NR3C2: variants seen among roughly 807,000 people sequenced by gnomAD.
NR3C2 encodes the protein mineralocorticoid receptor.
NR3C2 carries 15 observed loss-of-function variants against 86.4 expected under a neutral mutation model. That is an observed-to-expected ratio of 0.17 (90% confidence interval 0.12 to 0.27). NR3C2 has a LOEUF of 0.27. Among genes scored for constraint, NR3C2 ranks in the 10% least tolerant of loss-of-function variants. The pLI is 1.00. For synonymous variants in NR3C2, 458 were observed against 450.5 expected (o/e 1.02, Z -0.21); for missense variants, 960 against 1,195.6 (o/e 0.80, Z 2.91).
Position 148,331,955 on chromosome 4 carries a change from TAA to T in NR3C2, c.1758-71840_1758-71839del, listed in dbSNP as rs148610499. Reference sequence around the variant, plus strand: ...ATACATTATTTGCTTTAAAAAATTCTAAAAGTTTGATGGTTTATAAGAGTATT... The same window carrying T: ...ATACATTATTTGCTTTAAAAAATTCTAAGTTTGATGGTTTATAAGAGTATT... On this transcript the variant is annotated intron_variant, in intron 2 of 8. Coordinates refer to ENST00000358102, the MANE Select transcript of NR3C2 (RefSeq NM_000901.5). 6.0e-3 allele frequency among the ~76,000 whole-genome samples: 913 copies of T among 152,342 alleles called. 7 individuals are homozygous for T. The highest frequency in any genetic ancestry group is 0.02 in the African/African-American group (837 of 41,592).
intron 3 of NR3C2, among the ~76,000 whole-genome samples, chr4:148,226,572 T>C (rs1303690666): frequency 6.6e-6 from 1 of 152,160 alleles, no homozygotes; most frequent in Non-Finnish European, 1.5e-5. Flanking sequence ...GATAAATACC[T>C]GGGAGTGGAA....
rs115119058 is a variant in NR3C2 at position 148,311,207 on chromosome 4, C to T, written c.1758-51090G>A. 1.6e-3 allele frequency among the ~76,000 whole-genome samples: 240 copies of T among 152,210 alleles called. 1 individual carries two copies. The highest frequency in any genetic ancestry group is 5.4e-3 in the African/African-American group (226 of 41,518). ...TTTCGTTTCTCCATTCTCTGGGTAA[C>T]CTCATTCAGCTCTATTCTTATGACT... On this transcript the variant is annotated intron_variant, in intron 2 of 8. Transcript: ENST00000358102.
intron 2 of NR3C2, among the ~76,000 whole-genome samples, chr4:148,431,303 T>G (rs573057574): frequency 3.0e-4 from 46 of 152,234 alleles, no homozygotes; most frequent in African/African-American, 8.7e-4. Flanking sequence ...ACCATGAAGC[T>G]AGACTTGAGT....
chr4:148,211,089 C>T (rs1737260326), intron 3 of NR3C2, among the ~76,000 whole-genome samples: 1 of 152,206 alleles, frequency 6.6e-6, no homozygotes, highest in Non-Finnish European at 1.5e-5. Flanking sequence ...CTGCTGAAGA[C>T]AGGAAAGGGA....
At chr4:148,131,284 G>C (rs114270034) in intron 6 of NR3C2, among the ~76,000 whole-genome samples, 158 of 152,264 alleles carry the variant, frequency 1.0e-3, no homozygotes, top group African/African-American at 3.6e-3. Flanking sequence ...CGTAATCACA[G>C]CTGACCTGAA....
chr4:148,401,061 G>C (rs912115348), intron 2 of NR3C2, among the ~76,000 whole-genome samples: 1 of 152,138 alleles, frequency 6.6e-6, no homozygotes, highest in Non-Finnish European at 1.5e-5. Flanking sequence ...TCCAGGTGCT[G>C]GTCAGATGTT....
At chr4:148,180,013 C>T (rs1158185492) in intron 4 of NR3C2, among the ~76,000 whole-genome samples, 1 of 151,762 alleles carries the variant, frequency 6.6e-6, no homozygotes, top group Non-Finnish European at 1.5e-5. Flanking sequence ...GGAATAGTAT[C>T]TCTTTTATAA....
intron 2 of NR3C2, among the ~76,000 whole-genome samples, chr4:148,371,344 T>C (rs1746412701): frequency 6.6e-6 from 1 of 152,200 alleles, no homozygotes; most frequent in South Asian, 2.1e-4. Context: ...CCTTTACTTT[T>C]AATTCTTATA....
intron 2 of NR3C2, among the ~76,000 whole-genome samples, chr4:148,411,234 T>A (rs961839344): frequency 6.6e-6 from 1 of 150,764 alleles, no homozygotes; most frequent in Non-Finnish European, 1.5e-5. Flanking sequence ...CAAATCATCC[T>A]GGCTATAACC....
At chr4:148,340,499 A>G (rs4835513) in intron 2 of NR3C2, among the ~76,000 whole-genome samples, 131,321 of 152,120 alleles carry the variant, frequency 0.86, 56,719 homozygotes, top group South Asian at 0.88. Context: ...TTGAACTAAC[A>G]ACTTAAATCT....
intron 2 of NR3C2, among the ~76,000 whole-genome samples, chr4:148,267,944 T>G (rs796490405): frequency 3.3e-5 from 5 of 150,144 alleles, no homozygotes; most frequent in Admixed American, 6.6e-5. Flanking sequence ...ACAGTGTTTT[T>G]TTTTTTTTTT....
Position 148,278,001 on chromosome 4 carries a change from A to C in NR3C2, c.1758-17884T>G, listed in dbSNP as rs549580825. ...AAGGAGAATACATTCCTAGCATCCC[A>C]AGATGGAATTCTATGCTATTAATAA... On this transcript the variant is annotated intron_variant, in intron 2 of 8. Coordinates refer to ENST00000358102, the MANE Select transcript of NR3C2 (RefSeq NM_000901.5). Among the ~76,000 whole-genome samples the C allele has an allele frequency of 2.0e-5, 3 of 152,368 alleles. No individual in the cohort carries two copies. In the South Asian group the frequency reaches 6.2e-4, roughly 32 times the overall value.
chr4:148,266,147 A>C (rs981763072), intron 2 of NR3C2, among the ~76,000 whole-genome samples: 7 of 146,876 alleles, frequency 4.8e-5, no homozygotes, highest in Non-Finnish European at 8.9e-5. Context: ...ATCTTGGCTC[A>C]CTGCAACCTC....
chr4:148,117,637 G>A (rs1366407613), intron 7 of NR3C2, among the ~76,000 whole-genome samples: 1 of 152,148 alleles, frequency 6.6e-6, no homozygotes, highest in Non-Finnish European at 1.5e-5. Flanking sequence ...AAATTGCAAG[G>A]TGCCAAACAC....
At chr4:148,322,077 G>C (rs1386792165) in intron 2 of NR3C2, among the ~76,000 whole-genome samples, 1 of 151,942 alleles carries the variant, frequency 6.6e-6, no homozygotes, top group Non-Finnish European at 1.5e-5. Flanking sequence ...AGGCCTGGTG[G>C]TGACAAAATC....
At chr4:148,241,177 A>C (rs1481482005) in intron 3 of NR3C2, among the ~76,000 whole-genome samples, 6 of 151,444 alleles carry the variant, frequency 4.0e-5, no homozygotes, top group Non-Finnish European at 4.4e-5. Context: ...ATGGTGGCGC[A>C]CACCTGTAGT....
At chr4:148,262,222 C>A (rs6855341) in intron 2 of NR3C2, among the ~76,000 whole-genome samples, 1 of 151,974 alleles carries the variant, frequency 6.6e-6, no homozygotes, top group East Asian at 1.9e-4. Flanking sequence ...GATTTTTATT[C>A]GACATTTCTG....
At chr4:148,376,318 G>T (rs1290074024) in intron 2 of NR3C2, among the ~76,000 whole-genome samples, 1 of 152,096 alleles carries the variant, frequency 6.6e-6, no homozygotes, top group African/African-American at 2.4e-5. Flanking sequence ...AAGAATCTGC[G>T]CCACAGCTTG....
intron 2 of NR3C2, among the ~76,000 whole-genome samples, chr4:148,269,855 G>A (rs571532855): frequency 6.6e-6 from 1 of 152,246 alleles, no homozygotes; most frequent in South Asian, 2.1e-4. Context: ...ATGCTTACTT[G>A]AATGTTTTTA....
Sources: gnomAD v4.1 joint callset for allele counts (sites outside exome capture counted in the v4.1 genomes callset) on GRCh38, gnomAD v4.1.1 for gene constraint, MANE v1.5 for transcripts, NCBI Gene and HGNC (gene_info 2026-07-23, HGNC 2026-07-21) for gene names.